ST6GALNAC1: variants seen among roughly 807,000 people sequenced by gnomAD.
ST6GALNAC1 encodes the protein ST6 N-acetylgalactosaminide alpha-2,6-sialyltransferase 1.
ST6GALNAC1 carries 45 observed loss-of-function variants against 56.8 expected under a neutral mutation model. The observed-to-expected ratio is 0.79, with a 90% CI of 0.62 to 1.02. ST6GALNAC1 has a LOEUF of 1.02. Among genes scored for constraint, ST6GALNAC1 ranks in the 50% least tolerant of loss-of-function variants. The pLI is 0.00. For missense variants in ST6GALNAC1, 743 were observed against 754.8 expected (o/e 0.98, Z 0.18); for synonymous variants, 295 against 297.8 (o/e 0.99, Z 0.10).
intron 1 of ST6GALNAC1, among the ~76,000 whole-genome samples, chr17:76,634,900 A>G (rs1030113357): frequency 2.0e-5 from 3 of 152,144 alleles, no homozygotes; most frequent in African/African-American, 7.2e-5. Flanking sequence ...AACAAAAACA[A>G]AAAACAAACT....
intron 8 of ST6GALNAC1, 60 bp from the exon 9 acceptor site, chr17:76,625,587 A>C: frequency 4.4e-6 from 7 of 1,581,872 alleles, no homozygotes; most frequent in Admixed American, 1.7e-5. Flanking sequence ...GCTTCTTCTC[A>C]TGGCTAATTC....
At chr17:76,630,586 CT>C (rs201145440) in intron 1 of ST6GALNAC1, among the ~76,000 whole-genome samples, 20,792 of 137,196 alleles carry the variant, frequency 0.15, 1,345 homozygotes, top group Middle Eastern at 0.23. Flanking sequence ...TGAAACCCTT[CT>C]TTTTTTTTTT....
At chr17:76,632,945 C>G (rs534537142) in intron 1 of ST6GALNAC1, among the ~76,000 whole-genome samples, 1 of 152,290 alleles carries the variant, frequency 6.6e-6, no homozygotes, top group Admixed American at 6.5e-5. Flanking sequence ...GTGGCTCATG[C>G]CTATAGAGCC....
In ST6GALNAC1 at chr17:76,643,736, G is replaced by T; in HGVS notation, c.-98C>A. The T allele has an allele frequency of 7.9e-7, 1 of 1,268,118 alleles. No homozygotes were observed. Among genetic ancestry groups the T allele is most frequent in the Non-Finnish European group, 1.1e-6 (1 of 898,318 alleles). 78.6% of individuals were successfully genotyped at this position (1,268,118 alleles called of 1,614,324 possible). A position where few individuals can be genotyped will look rare whatever the true frequency, so the allele number is the denominator to read the frequency against. On this transcript the variant is annotated 5_prime_UTR_variant, in exon 1 of 9. Transcript: ENST00000156626. ...CGCTCAGGTTTCCTGGCCAGGAAGTGCACACCCTTTGTCTTAACAATGAGC... is the reference window on the plus strand; with the variant it reads ...CGCTCAGGTTTCCTGGCCAGGAAGTTCACACCCTTTGTCTTAACAATGAGC...
intron 1 of ST6GALNAC1, chr17:76,641,956 T>C (rs2076053114): frequency 6.7e-6 from 1 of 150,282 alleles, no homozygotes. Flanking sequence ...TATACGTATA[T>C]ATGAGATATA....
chr17:76,631,808 G>A (rs921366661), intron 1 of ST6GALNAC1, among the ~76,000 whole-genome samples: 2 of 152,072 alleles, frequency 1.3e-5, no homozygotes, highest in African/African-American at 4.8e-5. Flanking sequence ...ACATTCTGGG[G>A]CCCACTCTGT....
rs770663003 is a variant in ST6GALNAC1, at chr17:76,629,135, G to T, written c.708C>A (p.Pro236=). 13 of 1,613,798 alleles carry T rather than the reference G, an allele frequency of 8.1e-6. No individual in the cohort carries two copies. In the South Asian group the frequency reaches 1.4e-4, roughly 18 times the overall value. ...TCGTGGGGCTCTGGAAAGGGGCAGG[G>T]GGTGGGGTGGCCTGAGGTTTCTTCT... is the stretch of plus-strand genomic sequence containing the variant. The part of the protein sequence containing the change: ...PKEKKPQATP[P]PAPFQSPTTQ... Residue 236 remains proline, a synonymous_variant, in exon 2 of 9, where the codon CCC becomes CCA. Coordinates refer to ENST00000156626, the MANE Select transcript of ST6GALNAC1 (RefSeq NM_018414.5).
chr17:76,629,236 T>G lies in ST6GALNAC1; in HGVS notation c.607A>C (p.Met203Leu). The G allele has an allele frequency of 6.2e-7, 1 of 1,614,140 alleles. No homozygotes were observed. Among genetic ancestry groups the G allele is most frequent in the Middle Eastern group, 1.6e-4 (1 of 6,062 alleles). The change falls in exon 2 of 9, where the codon ATG (methionine) becomes CTG (leucine). Residue 203 changes from methionine to leucine, a missense_variant. By Grantham distance (15) the Met-to-Leu change is conservative. Transcript: ENST00000156626. The stretch of plus-strand genomic sequence containing the variant: ...GACACTGCTCCTGTGGGAGCCAGCA[T>G]TCTGTGCTGACTTTTGGGAATGAGC... ...KTLIPKSQHR[M>L]LAPTGAVSTR...
rs2075778954 is a variant in ST6GALNAC1 at position 76,625,286 on chromosome 17, G to A, written c.*44C>T. 6 of 1,584,784 alleles carry A rather than the reference G, an allele frequency of 3.8e-6. No homozygotes were observed. Among genetic ancestry groups the A allele is most frequent in the Non-Finnish European group, 5.2e-6 (6 of 1,160,758 alleles). ...AGTCTCAAGATTCCCACTGTATCCT[G>A]TGCCTTGGAGCAGGCAAGGAGACCA... On this transcript the variant is annotated 3_prime_UTR_variant, in exon 9 of 9. Coordinates refer to ENST00000156626, the MANE Select transcript of ST6GALNAC1 (RefSeq NM_018414.5).
Position 76,629,087 on chromosome 17 carries a change from CTTCAG to C in ST6GALNAC1, c.751_755del (p.Leu251GlyfsTer7). 6.3e-7 allele frequency: 1 copy of C among 1,585,138 alleles called. No homozygotes were observed. Among genetic ancestry groups the C allele is most frequent in the Non-Finnish European group, 8.6e-7 (1 of 1,164,304 alleles). ...GAGGCTCAGATTTGAAGTTGGCGGC[CTTCAG>C]TCTTTGGTTTCTCTGCGTCGTGGGG... On this transcript the variant is annotated frameshift_variant, in exon 2 of 9. Coordinates refer to ENST00000156626, the MANE Select transcript of ST6GALNAC1 (RefSeq NM_018414.5). LOFTEE classifies it high-confidence loss of function.
chr17:76,622,798 CT>C (rs61197441), downstream of ST6GALNAC1, among the ~76,000 whole-genome samples: 125,024 of 140,666 alleles, frequency 0.89, 55,950 homozygotes, highest in Non-Finnish European at 0.96. Flanking sequence ...CTTGTCATTT[CT>C]TTTTTTTTTT....
At chr17:76,624,261 A>AT (rs1037035682), downstream of ST6GALNAC1, among the ~76,000 whole-genome samples, 1 of 150,882 alleles carries the variant, frequency 6.6e-6, no homozygotes, top group African/African-American at 2.4e-5. Flanking sequence ...TATTTTTGTT[A>AT]TTTTTTTGAG....
At chr17:76,639,452 T>G (rs1164219029) in intron 1 of ST6GALNAC1, among the ~76,000 whole-genome samples, 1 of 152,104 alleles carries the variant, frequency 6.6e-6, no homozygotes, top group Non-Finnish European at 1.5e-5. Context: ...GGCGTGCGTC[T>G]GTAGTCCCAG....
chr17:76,620,233 T>C (rs1352756187), downstream of ST6GALNAC1, among the ~76,000 whole-genome samples: 2 of 150,954 alleles, frequency 1.3e-5, no homozygotes, highest in African/African-American at 4.9e-5. Flanking sequence ...GGAGACGGGG[T>C]TTCTTTGTGT....
At chr17:76,621,943 CTTTTTTT>C (rs71158041), downstream of ST6GALNAC1, among the ~76,000 whole-genome samples, 1 of 138,034 alleles carries the variant, frequency 7.2e-6, no homozygotes, top group Non-Finnish European at 1.6e-5. Flanking sequence ...TCTTTCTTTT[CTTTTTTT>C]TTTTTTTTGT....
chr17:76,641,485 C>A (rs1373881819), intron 1 of ST6GALNAC1, among the ~76,000 whole-genome samples: 2 of 152,010 alleles, frequency 1.3e-5, no homozygotes, highest in Non-Finnish European at 1.5e-5. Context: ...TAGAAAAGTA[C>A]AAATGACTAA....
At chr17:76,626,906 C>A (rs926546244) in intron 4 of ST6GALNAC1, 117 bp from the exon 5 acceptor site, 6 of 1,500,406 alleles carry the variant, frequency 4.0e-6, no homozygotes, top group African/African-American at 2.8e-5. Flanking sequence ...GAAATTCTCT[C>A]GAGAGCCCAG....
intron 1 of ST6GALNAC1, among the ~76,000 whole-genome samples, chr17:76,630,778 A>G (rs1207046131): frequency 1.4e-5 from 2 of 145,914 alleles, no homozygotes; most frequent in African/African-American, 2.5e-5. Flanking sequence ...TTTAGTAGAG[A>G]TGGGGTTTCA....
chr17:76,623,940 T>C (rs1030585634), downstream of ST6GALNAC1, among the ~76,000 whole-genome samples: 3 of 152,246 alleles, frequency 2.0e-5, no homozygotes, highest in African/African-American at 4.8e-5. Context: ...CCTGATGTGA[T>C]GTCCACCCTG....
Sources: allele counts gnomAD v4.1 joint callset (sites outside exome capture counted in the v4.1 genomes callset), GRCh38; gene constraint gnomAD v4.1.1; transcripts MANE v1.5; gene names NCBI Gene and HGNC (gene_info 2026-07-23, HGNC 2026-07-21).